STAC3: variants seen among roughly 807,000 people sequenced by gnomAD.
The protein encoded by STAC3 is SH3 and cysteine rich domain 3.
A neutral mutation model predicts 48.5 loss-of-function variants in STAC3; 30 were observed. That is an observed-to-expected ratio of 0.62 (90% CI 0.46 to 0.84). The LOEUF is 0.84. Ranked by LOEUF, STAC3 falls within the 40% of genes least tolerant of loss-of-function variation. The pLI is 0.00. For synonymous variants in STAC3, 144 were observed against 158.6 expected (o/e 0.91, Z 0.69); for missense variants, 419 against 462.6 (o/e 0.91, Z 0.86).
rs181137372 is a variant in STAC3 at position 57,248,402 on chromosome 12, G to A, written c.433-204C>T. ...CTTTTTTTTTTTTTTTTTTTGAGAC[G>A]GAGTCTCGCTCTGTCACCCAGGCTG... On this transcript the variant is annotated intron_variant, in intron 4 of 11. Coordinates refer to ENST00000332782, the MANE Select transcript of STAC3 (RefSeq NM_145064.3). The A allele has an allele frequency of 2.7e-3, 1,512 of 560,926 alleles. 45 individuals carry two copies. In the East Asian group the frequency reaches 0.038, roughly 14 times the overall value. The allele number at this position is 560,926 out of a possible 1,614,324, so 34.7% of individuals were successfully genotyped here. A position where few individuals can be genotyped will look rare whatever the true frequency, so the allele number is the denominator to read the frequency against.
rs1284591580 is a variant in STAC3 at position 57,247,436 on chromosome 12, T to A, written c.506-535A>T. Among the ~76,000 whole-genome samples the A allele has an allele frequency of 5.3e-3, 671 of 127,714 alleles. 3 individuals carry two copies. The highest frequency in any genetic ancestry group is 0.018 in the African/African-American group (624 of 34,144). 83.8% of individuals were successfully genotyped at this position (127,714 alleles called of 152,430 possible). On this transcript the variant is annotated intron_variant, in intron 5 of 11. Coordinates refer to ENST00000332782, the MANE Select transcript of STAC3 (RefSeq NM_145064.3). ...TTATTATTATTATTATTATTTTTTTTTTTTTTTTTTTTTTTGAGACGGAGT... is the reference window on the plus strand; with the variant it reads ...TTATTATTATTATTATTATTTTTTTATTTTTTTTTTTTTTTGAGACGGAGT...
At chr12:57,245,276 C>T in intron 6 of STAC3, 65 bp from the exon 7 acceptor site, 1 of 1,442,208 alleles carries the variant, frequency 6.9e-7, no homozygotes, top group Non-Finnish European at 9.7e-7. Flanking sequence ...TGTCTATAAT[C>T]AGGTCAGAGA....
chr12:57,246,537 G>A (rs1486609752), intron 6 of STAC3, among the ~76,000 whole-genome samples: 3 of 151,730 alleles, frequency 2.0e-5, no homozygotes, highest in Non-Finnish European at 2.9e-5. Context: ...CACCACACCC[G>A]GATTTTTTAT....
rs781290722 is a variant in STAC3, at chr12:57,246,868, G to A, written c.539C>T (p.Thr180Ile). ...TGCCATGATCACCCCAGTGCGCAGG[G>A]TTTCAAACACAGGATCATTGCGATT... ...AANRNDPVFETLRTGVIMANK... is the reference protein window; with the variant it reads ...AANRNDPVFEILRTGVIMANK... Residue 180 changes from threonine (T) to isoleucine (I), a missense_variant, in exon 6 of 12, where the codon ACC (threonine) becomes ATC (isoleucine). Physicochemically the swap from Thr to Ile is moderately conservative, Grantham distance 89. Coordinates refer to ENST00000332782, the MANE Select transcript of STAC3 (RefSeq NM_145064.3). The A allele has an allele frequency of 1.2e-6, 2 of 1,613,994 alleles. No individual in the cohort carries two copies. The highest frequency in any genetic ancestry group is 1.7e-4 in the Middle Eastern group (1 of 6,038).
rs1223623100 is a variant in STAC3 at position 57,245,181 on chromosome 12, C to G, written c.634G>C (p.Glu212Gln). The G allele has an allele frequency of 6.2e-7, 1 of 1,614,154 alleles. No homozygotes were observed. Among genetic ancestry groups the G allele is most frequent in the East Asian group, 2.2e-5 (1 of 44,862 alleles). ...PVAAMMEEEP[E>Q]SARPEEGKPQ... ...TTGCCTTCCTCTGGTCTGGCCGACT[C>G]TGGCTCCTCCTCCATCATGGCTGCT... Residue 212 changes from glutamate (E) to glutamine (Q), a missense_variant, in exon 7 of 12, where the codon GAG becomes CAG. Transcript: ENST00000332782.
chr12:57,249,461 C>T, intron 2 of STAC3, 110 bp downstream of exon 2: 1 of 1,515,340 alleles, frequency 6.6e-7, no homozygotes, highest in Non-Finnish European at 9.0e-7. Flanking sequence ...ACTGCAGGTG[C>T]TGGCCAGCAA....
intron 8 of STAC3, 21 bp from the exon 9 acceptor site, chr12:57,244,643 T>A (rs750154040): frequency 6.2e-7 from 1 of 1,613,882 alleles, no homozygotes; most frequent in Non-Finnish European, 8.5e-7. Context: ...AAGGGAATGA[T>A]GAGTCTTAGG....
chr12:57,244,010 T>C (rs761293858), intron 11 of STAC3, 78 bp downstream of exon 11: 3 of 1,610,530 alleles, frequency 1.9e-6, no homozygotes, highest in Middle Eastern at 1.7e-4. Flanking sequence ...CCTAGTCTTA[T>C]TAATGGTTAA....
intron 3 of STAC3, 75 bp downstream of exon 3, chr12:57,248,966 T>C (rs1480063493): frequency 6.4e-7 from 1 of 1,560,794 alleles, no homozygotes; most frequent in Non-Finnish European, 8.7e-7. Flanking sequence ...CTGCTACAAA[T>C]ACTCCTCTCC....
At chr12:57,246,391 C>CTTTTTTTTTTTTTTTTTTT (rs35690784) in intron 6 of STAC3, among the ~76,000 whole-genome samples, 2 of 136,858 alleles carry the variant, frequency 1.5e-5, no homozygotes, top group Non-Finnish European at 3.2e-5. Context: ...TCCTTCCTTC[C>CTTTTTTTTTTTTTTTTTTT]TTTTTTTTTT....
chr12:57,243,495 G>C lies in STAC3; in HGVS notation c.*317C>G, dbSNP rs903962320. On this transcript the variant is annotated 3_prime_UTR_variant, in exon 12 of 12. Transcript: ENST00000332782. The stretch of plus-strand genomic sequence containing the variant: ...AAAGTTTAATAAATTCGCAACATTC[G>C]ACAGTTCGCCCTCCCTCGCCCCCGC... 1 of 586,048 alleles carries C rather than the reference G, an allele frequency of 1.7e-6. No homozygotes were observed. The highest frequency in any genetic ancestry group is 1.7e-5 in the South Asian group (1 of 60,240). 36.3% of individuals were successfully genotyped at this position (586,048 alleles called of 1,614,324 possible).
chr12:57,244,843 G>C (rs1230588633), intron 8 of STAC3, 73 bp downstream of exon 8: 1 of 1,557,128 alleles, frequency 6.4e-7, no homozygotes, highest in African/African-American at 1.4e-5. Flanking sequence ...GCTTCTGCCA[G>C]GGCCATGAGT....
chr12:57,244,909 T>C lies in STAC3; in HGVS notation c.720+7A>G. The stretch of plus-strand genomic sequence containing the variant: ...CTGGGTTCCTTGCAGGGAGGAAGGA[T>C]TCTTACCTTGTCATCAGGTGTCTTC... On this transcript the variant is annotated splice_region_variant and intron_variant, in intron 8 of 11. Coordinates refer to ENST00000332782, the MANE Select transcript of STAC3 (RefSeq NM_145064.3). 1 of 1,614,096 alleles carries C rather than the reference T, an allele frequency of 6.2e-7. No homozygotes were observed. The highest frequency in any genetic ancestry group is 8.5e-7 in the Non-Finnish European group (1 of 1,180,004).
chr12:57,250,333 T>G (rs922814572), intron 1 of STAC3, among the ~76,000 whole-genome samples: 1 of 131,976 alleles, frequency 7.6e-6, no homozygotes, highest in Non-Finnish European at 1.5e-5. Flanking sequence ...GAGGTTGCAG[T>G]GAGCCGGGAT....
chr12:57,249,355 C>A, intron 2 of STAC3, 47 bp from the exon 3 acceptor site: 2 of 1,539,280 alleles, frequency 1.3e-6, no homozygotes, highest in Admixed American at 2.0e-5. Flanking sequence ...GACTTGTCAC[C>A]CTCTCTAGAG....
intron 1 of STAC3, among the ~76,000 whole-genome samples, chr12:57,250,033 G>A (rs1204791800): frequency 6.6e-6 from 1 of 152,196 alleles, no homozygotes; most frequent in Non-Finnish European, 1.5e-5. Flanking sequence ...GTGAGCCACT[G>A]CACTGGGCCA....
rs148121313 is a variant in STAC3, at chr12:57,249,167, C to A, written c.208G>T (p.Glu70Ter). Residue 70 changes from glutamate to a stop codon, truncating the protein, a stop_gained, in exon 3 of 12, where the codon GAA becomes TAA. Coordinates refer to ENST00000332782, the MANE Select transcript of STAC3 (RefSeq NM_145064.3). LOFTEE classifies it high-confidence loss of function. ...GGTGGCTCCTCCTCCTCCTCTTCTTCCTCTTCCTCTTCCTCATAGATGTAG... is the reference window on the plus strand; with the variant it reads ...GGTGGCTCCTCCTCCTCCTCTTCTTACTCTTCCTCTTCCTCATAGATGTAG... ...IYYIYEEEEE[E>*]EEEEEEPPPE... is the part of the protein sequence containing the mutation. 2.5e-6 allele frequency: 4 copies of A among 1,613,396 alleles called. No homozygotes were observed. Among genetic ancestry groups the A allele is most frequent in the Non-Finnish European group, 3.4e-6 (4 of 1,179,732 alleles).
chr12:57,248,077 A>T (rs1184956604), intron 5 of STAC3, 49 bp downstream of exon 5: 7 of 1,514,028 alleles, frequency 4.6e-6, no homozygotes, highest in African/African-American at 1.4e-5. Flanking sequence ...ATGGCATGAA[A>T]CCATCTCTAG....
chr12:57,249,435 G>A (rs1402339288), intron 2 of STAC3, 127 bp from the exon 3 acceptor site: 4 of 1,482,354 alleles, frequency 2.7e-6, no homozygotes, highest in African/African-American at 1.4e-5. Context: ...GGATTAGGGG[G>A]GTATTGGTAT....
Sources: gnomAD v4.1 joint callset for allele counts (sites outside exome capture counted in the v4.1 genomes callset) on GRCh38, gnomAD v4.1.1 for gene constraint, MANE v1.5 for transcripts, NCBI Gene and HGNC (gene_info 2026-07-23, HGNC 2026-07-21) for gene names.